ASH1L: variants seen among roughly 807,000 people sequenced by gnomAD.
ASH1L encodes the protein histone-lysine N-methyltransferase ASH1L.
Under a neutral mutation model 269.0 loss-of-function variants are expected in ASH1L, and 23 were observed. The ratio of observed to expected loss-of-function variants is 0.09; its 90% CI spans 0.06 to 0.12. The LOEUF is 0.12. Among genes scored for constraint, ASH1L ranks in the 10% least tolerant of loss-of-function variants. The pLI is 1.00. For missense variants in ASH1L, 2,912 were observed against 3,567.8 expected, an observed-to-expected ratio of 0.82 and a Z score of 4.68; for synonymous variants, 1,187 against 1,253.5, an observed-to-expected ratio of 0.95 and a Z score of 1.12.
At chr1:155,401,034 G>A (rs1571109163) in intron 6 of ASH1L, among the ~76,000 whole-genome samples, 1 of 151,970 alleles carries the variant, frequency 6.6e-6, no homozygotes. Flanking sequence ...AGTGGTGTAC[G>A]CCTCTAATCC....
At chr1:155,374,354 G>T (rs1383463355) in intron 10 of ASH1L, among the ~76,000 whole-genome samples, 2 of 151,998 alleles carry the variant, frequency 1.3e-5, no homozygotes, top group Non-Finnish European at 2.9e-5. Flanking sequence ...GAAAAGTTTT[G>T]TAAAGAAAAT....
chr1:155,481,110 G>A lies in ASH1L; in HGVS notation c.1760C>T (p.Ser587Phe), dbSNP rs772760684. ...AATTTCTTCGATTAGTTCTGTAGTA[G>A]AACTTAAAAGTAATGGATTAGGAGC... Reference protein sequence around the residue: ...QLAPNPLLLSSTTELIEEISE... With the variant: ...QLAPNPLLLSFTTELIEEISE... Residue 587 changes from serine to phenylalanine, a missense_variant, in exon 3 of 28, where the codon TCT (serine) becomes TTT (phenylalanine). Physicochemically the swap from Ser to Phe is radical, Grantham distance 155. Coordinates refer to ENST00000392403, the MANE Select transcript of ASH1L (RefSeq NM_018489.3). The A allele has an allele frequency of 1.2e-6, 2 of 1,614,080 alleles. No individual in the cohort carries two copies. The highest frequency in any genetic ancestry group is 2.2e-5 in the South Asian group (2 of 91,078).
chr1:155,562,558 T>C lies in ASH1L; in HGVS notation c.-505A>G, dbSNP rs886176752. The C allele has an allele frequency of 7.2e-6, 11 of 1,527,576 alleles. No homozygotes were observed. The Admixed American group carries it at 7.9e-5, about 11-fold the overall frequency. 94.6% of individuals were successfully genotyped at this position (1,527,576 alleles called of 1,614,324 possible). On this transcript the variant is annotated 5_prime_UTR_variant, in exon 1 of 28. Coordinates refer to ENST00000392403, the MANE Select transcript of ASH1L (RefSeq NM_018489.3). ...TTCCTCCTTGCGTTCTTTCCCACCG[T>C]CCCCCGCTCCGCCCGACTCCGTCCG...
Position 155,343,796 on chromosome 1 carries a change from G to C in ASH1L, c.7982-54C>G. On this transcript the variant is annotated intron_variant, in intron 22 of 27. Transcript: ENST00000392403. The surrounding 1 kb of genome is among the most constrained non-coding windows in gnomAD (Gnocchi z 6.1). Reference sequence around the variant, plus strand: ...ATAAAACAATTCTTGTATGAATTCTGTTAGGCATCTGTTTATCTGACTCAG... The same window carrying C: ...ATAAAACAATTCTTGTATGAATTCTCTTAGGCATCTGTTTATCTGACTCAG... 3 of 1,595,356 alleles carry C rather than the reference G, an allele frequency of 1.9e-6. No individual in the cohort carries two copies. The highest frequency in any genetic ancestry group is 2.6e-6 in the Non-Finnish European group (3 of 1,168,476).
intron 1 of ASH1L, among the ~76,000 whole-genome samples, chr1:155,537,088 G>A (rs1336071454): frequency 1.3e-5 from 2 of 151,312 alleles, no homozygotes; most frequent in Non-Finnish European, 2.9e-5. Context: ...ACACAGAAAG[G>A]CAATTATTTA....
rs779823577 is a variant in ASH1L at position 155,343,791 on chromosome 1, A to C, written c.7982-49T>G. ...GAAACATAAAACAATTCTTGTATGA[A>C]TTCTGTTAGGCATCTGTTTATCTGA... On this transcript the variant is annotated intron_variant, in intron 22 of 27. Coordinates refer to ENST00000392403, the MANE Select transcript of ASH1L (RefSeq NM_018489.3). The surrounding 1 kb of genome is among the most constrained non-coding windows in gnomAD (Gnocchi z 6.1). 4.4e-6 allele frequency: 7 copies of C among 1,601,448 alleles called. No individual in the cohort carries two copies. The highest frequency in any genetic ancestry group is 5.1e-6 in the Non-Finnish European group (6 of 1,172,710).
intron 5 of ASH1L, chr1:155,433,408 TG>T: frequency 6.2e-7 from 1 of 1,607,436 alleles, no homozygotes; most frequent in South Asian, 1.1e-5. Context: ...TGGCGTACTG[TG>T]GGCCTCAGGT....
At chr1:155,514,432 T>C (rs1386525741) in intron 2 of ASH1L, among the ~76,000 whole-genome samples, 1 of 152,256 alleles carries the variant, frequency 6.6e-6, no homozygotes, top group Non-Finnish European at 1.5e-5. Flanking sequence ...TTTTGCACTG[T>C]TGAAATTTGC....
chr1:155,480,891 G>A lies in ASH1L; in HGVS notation c.1979C>T (p.Ser660Phe). 1 of 1,613,914 alleles carries A rather than the reference G, an allele frequency of 6.2e-7. No homozygotes were observed. Among genetic ancestry groups the A allele is most frequent in the Admixed American group, 1.7e-5 (1 of 59,974 alleles). Residue 660 changes from serine to phenylalanine, a missense_variant, in exon 3 of 28, where the codon TCC (serine) becomes TTC (phenylalanine). Ser to Phe is a radical substitution (Grantham distance 155). This residue lies in a region of ASH1L where 715 missense variants were observed against 721.0 expected (regional missense o/e 0.99). Coordinates refer to ENST00000392403, the MANE Select transcript of ASH1L (RefSeq NM_018489.3). Reference sequence around the variant, plus strand: ...TGAAGGAGTAATAGTATGAATGCTGGATTCAGAAGTCAAACTTGGCTTTTT... The same window carrying A: ...TGAAGGAGTAATAGTATGAATGCTGAATTCAGAAGTCAAACTTGGCTTTTT... ...LGKKPSLTSESSIHTITPSVV... is the reference protein window; with the variant it reads ...LGKKPSLTSEFSIHTITPSVV...
At chr1:155,344,072 T>C in intron 22 of ASH1L, 111 bp downstream of exon 22, 2 of 911,272 alleles carry the variant, frequency 2.2e-6, no homozygotes, top group Non-Finnish European at 1.7e-6. Context: ...ACTTATATTC[T>C]ATTGCTATTC....
intron 4 of ASH1L, among the ~76,000 whole-genome samples, chr1:155,458,103 T>C (rs1218983901): frequency 6.6e-6 from 1 of 152,166 alleles, no homozygotes; most frequent in Non-Finnish European, 1.5e-5. Context: ...TAGGTAAACA[T>C]CAGAGAAATT....
intron 3 of ASH1L, among the ~76,000 whole-genome samples, chr1:155,469,525 C>A (rs999273072): frequency 6.6e-6 from 1 of 152,188 alleles, no homozygotes; most frequent in Non-Finnish European, 1.5e-5. Flanking sequence ...AAGAAACCCA[C>A]TGAATTCACC....
Position 155,354,610 on chromosome 1 carries a change from T to A in ASH1L, c.7076A>T (p.His2359Leu). The A allele has an allele frequency of 6.2e-7, 1 of 1,611,960 alleles. No individual in the cohort carries two copies. Among genetic ancestry groups the A allele is most frequent in the East Asian group, 2.2e-5 (1 of 44,880 alleles). ...CTCCCAGTTTCGGACCAAGAATACA[T>A]GATGCTTTAACACAAAGTTCCTGCA... ...NRERNFVLKH[H>L]VFLVRNWEKI... Residue 2359 changes from histidine (H) to leucine (L), a missense_variant, in exon 16 of 28, where the codon CAT (histidine) becomes CTT (leucine). Physicochemically the swap from His to Leu is moderately conservative, Grantham distance 99. Around this residue, in one of 13 missense-constraint regions of ASH1L, gnomAD observed 309 missense variants for 435.1 expected, o/e 0.71. Coordinates refer to ENST00000392403, the MANE Select transcript of ASH1L (RefSeq NM_018489.3).
At chr1:155,534,694 G>C (rs1434389889) in intron 1 of ASH1L, among the ~76,000 whole-genome samples, 3 of 152,126 alleles carry the variant, frequency 2.0e-5, no homozygotes, top group Non-Finnish European at 4.4e-5. Flanking sequence ...GAAAGTCAAA[G>C]AGAGAGCTGA....
Position 155,556,720 on chromosome 1 carries a change from T to C in ASH1L, c.-100+5433A>G, listed in dbSNP as rs577191234. 8.5e-5 allele frequency among the ~76,000 whole-genome samples: 13 copies of C among 152,160 alleles called. No homozygotes were observed. The South Asian group carries it at 2.7e-3, about 32-fold the overall frequency. On this transcript the variant is annotated intron_variant, in intron 1 of 27. Coordinates refer to ENST00000392403, the MANE Select transcript of ASH1L (RefSeq NM_018489.3). ...CCTCCCAAAGTGCTGGGATGACAGG[T>C]GTGAGCCACTGCACCTGGCCAAAAA... is the stretch of plus-strand genomic sequence containing the variant.
chr1:155,505,178 G>T (rs1667734122), intron 2 of ASH1L, among the ~76,000 whole-genome samples: 1 of 152,036 alleles, frequency 6.6e-6, no homozygotes, highest in African/African-American at 2.4e-5. Flanking sequence ...TTGTTTTACA[G>T]CACAACTGAG....
intron 6 of ASH1L, among the ~76,000 whole-genome samples, chr1:155,397,364 G>A (rs1658448601): frequency 2.6e-5 from 4 of 151,470 alleles, no homozygotes; most frequent in African/African-American, 7.3e-5. Context: ...GGGTGTGGTG[G>A]AGCGCGCTGG....
intron 2 of ASH1L, among the ~76,000 whole-genome samples, chr1:155,497,916 AT>A (rs960744350): frequency 1.5e-4 from 23 of 149,958 alleles, no homozygotes; most frequent in Admixed American, 9.3e-4. Context: ...GGCATGGCTA[AT>A]TTTTTTTTGT....
rs4971051 is a variant in ASH1L, at chr1:155,343,256, T to C, written c.8293+58A>G. The C allele has an allele frequency of 0.99, 1,533,109 of 1,552,648 alleles. 758,602 individuals carry two copies. The highest frequency in any genetic ancestry group is 1 in the East Asian group (44,420 of 44,424). On this transcript the variant is annotated intron_variant, in intron 24 of 27. Transcript: ENST00000392403. This position sits in a 1 kb window ranked among gnomAD's most constrained non-coding sequence, Gnocchi z 6.1. Reference sequence around the variant, plus strand: ...TCGGCCTCCCACACCGCTGGGATTATCAGCGTGAGCCACTGCACTTGGCCG... The same window carrying C: ...TCGGCCTCCCACACCGCTGGGATTACCAGCGTGAGCCACTGCACTTGGCCG...
Sources: allele counts gnomAD v4.1 joint callset (sites outside exome capture counted in the v4.1 genomes callset), GRCh38; gene constraint gnomAD v4.1.1; regional missense constraint gnomAD v4.1.1; non-coding constraint Gnocchi (gnomAD v3.1); transcripts MANE v1.5; gene names NCBI Gene and HGNC (gene_info 2026-07-23, HGNC 2026-07-21).